POC5: variants seen among roughly 807,000 people sequenced by gnomAD.
POC5 encodes the protein POC5 centriolar protein, also known as centrosomal protein POC5.
In POC5, 48 loss-of-function variants were observed where a neutral mutation model predicts 62.9. That is an observed-to-expected ratio of 0.76 (90% confidence interval 0.61 to 0.97). The LOEUF (loss-of-function observed/expected upper bound fraction) is 0.97, where lower values mean the gene tolerates loss of function less well. Among genes scored for constraint, POC5 ranks in the 50% least tolerant of loss-of-function variants. The pLI is 0.00. For synonymous variants in POC5, 236 were observed against 228.2 expected, an observed-to-expected ratio of 1.03 and a Z score of -0.31; for missense variants, 696 against 679.5, an observed-to-expected ratio of 1.02 and a Z score of -0.27.
chr5:75,703,412 G>T (rs1776979279), intron 4 of POC5, among the ~76,000 whole-genome samples: 1 of 151,984 alleles, frequency 6.6e-6, no homozygotes, highest in Admixed American at 6.6e-5. Flanking sequence ...TGAATCATGA[G>T]GTCCAGAGAT....
chr5:75,713,448 G>A (rs1477224840), intron 1 of POC5, among the ~76,000 whole-genome samples: 4 of 152,170 alleles, frequency 2.6e-5, no homozygotes, highest in African/African-American at 9.7e-5. Context: ...TTAGTAACAA[G>A]TAACCGAATT....
chr5:75,703,188 G>C (rs1356334056), intron 4 of POC5, among the ~76,000 whole-genome samples: 1 of 152,112 alleles, frequency 6.6e-6, no homozygotes, highest in Admixed American at 6.5e-5. Flanking sequence ...CATAACACAT[G>C]CTACCCTAAA....
Position 75,705,798 on chromosome 5 carries a change from G to T in POC5, c.224-11C>A, listed in dbSNP as rs746959151. 6.6e-7 allele frequency: 1 copy of T among 1,512,260 alleles called. No homozygotes were observed. The highest frequency in any genetic ancestry group is 1.3e-5 in the South Asian group (1 of 77,718). The allele number at this position is 1,512,260 out of a possible 1,614,324, so 93.7% of individuals were successfully genotyped here. ...CTTCAGAGTTATTTCCTGCCAAAAA[G>T]AAAGCTTTTTAAAATTAAACTGAAC... On this transcript the variant is annotated splice_polypyrimidine_tract_variant and intron_variant, in intron 3 of 11. Coordinates refer to ENST00000428202, the MANE Select transcript of POC5 (RefSeq NM_001099271.2).
In POC5 at chr5:75,707,491, A is replaced by T. The variant is rs531384354; in HGVS notation, c.223+246T>A. On this transcript the variant is annotated intron_variant, in intron 3 of 11. Coordinates refer to ENST00000428202, the MANE Select transcript of POC5 (RefSeq NM_001099271.2). ...CAAAAAGCCATGCAGTTGCCATAGC[A>T]TTGCTTCAACTTTATTATTCTTCAT... The T allele has an allele frequency of 8.6e-6, 3 of 349,582 alleles. No homozygotes were observed. In the East Asian group the frequency reaches 1.4e-4, roughly 16 times the overall value. The allele number at this position is 349,582 out of a possible 1,614,324, so 21.7% of individuals were successfully genotyped here. A position where few individuals can be genotyped will look rare whatever the true frequency, so the allele number is the denominator to read the frequency against.
In POC5 at chr5:75,702,783, T is replaced by C; in HGVS notation, c.335A>G (p.Lys112Arg). The C allele has an allele frequency of 6.3e-7, 1 of 1,585,186 alleles. No homozygotes were observed. Among genetic ancestry groups the C allele is most frequent in the Non-Finnish European group, 8.6e-7 (1 of 1,164,670 alleles). ...AAAATCCATGACTGGGTGAGAAGGC[T>C]TCCTTGGCGATAACACTGGTGATGA... is the stretch of plus-strand genomic sequence containing the variant. ...DESSPVLSPR[K>R]PSHPVMDFFS... Residue 112 changes from lysine to arginine, a missense_variant, in exon 5 of 12, where the codon AAG (lysine) becomes AGG (arginine). Lys to Arg is a conservative substitution (Grantham distance 26). Coordinates refer to ENST00000428202, the MANE Select transcript of POC5 (RefSeq NM_001099271.2).
At chr5:75,703,636 CAA>C (rs1297206599) in intron 4 of POC5, among the ~76,000 whole-genome samples, 1 of 151,712 alleles carries the variant, frequency 6.6e-6, no homozygotes, top group Non-Finnish European at 1.5e-5. Context: ...AAAACAAAAA[CAA>C]ACAAAAAACC....
At chr5:75,707,902 T>A in intron 2 of POC5, 27 bp from the exon 3 acceptor site, 6 of 1,541,294 alleles carry the variant, frequency 3.9e-6, no homozygotes, top group Non-Finnish European at 5.3e-6. Context: ...ATCAATAATG[T>A]AGTGTAACAG....
Position 75,707,828 on chromosome 5 carries a change from A to G in POC5, c.132T>C (p.Ile44=), listed in dbSNP as rs1777186781. ...GAGATGACTGTGAAGCACAGGGTTCAATATTTGGAGTCACTATAGCATAAT... is the reference window on the plus strand; with the variant it reads ...GAGATGACTGTGAAGCACAGGGTTCGATATTTGGAGTCACTATAGCATAAT... ...LLHYAIVTPN[I]EPCASQSSHP... is the part of the protein sequence containing the mutation. The change falls in exon 3 of 12, where the codon ATT becomes ATC. Residue 44 remains isoleucine (I), a synonymous_variant. Coordinates refer to ENST00000428202, the MANE Select transcript of POC5 (RefSeq NM_001099271.2). 6.3e-7 allele frequency: 1 copy of G among 1,589,552 alleles called. No homozygotes were observed. Among genetic ancestry groups the G allele is most frequent in the East Asian group, 2.3e-5 (1 of 44,346 alleles).
At chr5:75,698,296 A>G (rs1228282521) in intron 5 of POC5, among the ~76,000 whole-genome samples, 11 of 150,832 alleles carry the variant, frequency 7.3e-5, no homozygotes, top group Admixed American at 6.6e-5. Flanking sequence ...CACCTATTCC[A>G]AAATTGACCA....
intron 5 of POC5, among the ~76,000 whole-genome samples, chr5:75,698,350 G>C (rs2112155239): frequency 6.6e-6 from 1 of 151,798 alleles, no homozygotes; most frequent in East Asian, 1.9e-4. Flanking sequence ...TAAAAGAACA[G>C]AAATTATAAC....
intron 5 of POC5, among the ~76,000 whole-genome samples, chr5:75,696,415 C>G (rs1480340821): frequency 6.6e-6 from 1 of 152,204 alleles, no homozygotes; most frequent in African/African-American, 2.4e-5. Flanking sequence ...GACCTCCGAG[C>G]AGCCTAACTG....
chr5:75,704,079 C>T (rs888956070), intron 4 of POC5, among the ~76,000 whole-genome samples: 5 of 149,696 alleles, frequency 3.3e-5, no homozygotes, highest in East Asian at 2.0e-4. Flanking sequence ...TGCTTGAACC[C>T]GGGAAGCAGA....
At chr5:75,679,447 A>T (rs1775792888) in intron 10 of POC5, among the ~76,000 whole-genome samples, 2 of 152,126 alleles carry the variant, frequency 1.3e-5, no homozygotes, top group Non-Finnish European at 2.9e-5. Context: ...TGTATACTGA[A>T]ATGGGAAGAG....
At chr5:75,695,552 A>T (rs140582035) in intron 5 of POC5, among the ~76,000 whole-genome samples, 43 of 152,344 alleles carry the variant, frequency 2.8e-4, no homozygotes, top group Non-Finnish European at 5.7e-4. Flanking sequence ...TAAATGCCAC[A>T]GAACTCACAT....
chr5:75,692,309 T>C (rs1345353745), intron 7 of POC5, 87 bp downstream of exon 7: 8 of 880,086 alleles, frequency 9.1e-6, no homozygotes, highest in South Asian at 2.5e-5. Flanking sequence ...TTTTGACTTA[T>C]TAGAAAACAA....
intron 5 of POC5, chr5:75,696,005 G>C (rs1357450976): frequency 6.5e-6 from 1 of 152,898 alleles, no homozygotes; most frequent in Non-Finnish European, 1.5e-5. Flanking sequence ...CTTTTCCGAG[G>C]GGCTTAAAAA....
chr5:75,707,986 T>G (rs1580059192), intron 2 of POC5, 111 bp from the exon 3 acceptor site: 1 of 990,090 alleles, frequency 1.0e-6, no homozygotes, highest in East Asian at 2.7e-5. Context: ...CCCATGCTTA[T>G]TATATTACAA....
intron 7 of POC5, 110 bp from the exon 8 acceptor site, chr5:75,690,672 C>T (rs1561468113): frequency 3.3e-6 from 3 of 906,558 alleles, no homozygotes; most frequent in Non-Finnish European, 4.9e-6. Context: ...TTATTTAATT[C>T]TATGTAATCA....
At chr5:75,696,922 A>G (rs1776624713) in intron 5 of POC5, among the ~76,000 whole-genome samples, 1 of 152,058 alleles carries the variant, frequency 6.6e-6, no homozygotes, top group Admixed American at 6.6e-5. Flanking sequence ...AAGCCTCAGG[A>G]GCTGATGCGA....
Sources: gnomAD v4.1 joint callset for allele counts (sites outside exome capture counted in the v4.1 genomes callset) on GRCh38, gnomAD v4.1.1 for gene constraint, MANE v1.5 for transcripts, NCBI Gene and HGNC (gene_info 2026-07-23, HGNC 2026-07-21) for gene names.